The following HS3ST4 variants were observed in gnomAD, a reference collection of about 807,000 sequenced individuals.
The protein encoded by HS3ST4 is heparan sulfate-glucosamine 3-sulfotransferase 4.
HS3ST4 carries 17 observed loss-of-function variants against 29.2 expected under a neutral mutation model. That is an observed-to-expected ratio of 0.58 (90% CI 0.40 to 0.87). The LOEUF (loss-of-function observed/expected upper bound fraction) is 0.87. Among genes scored for constraint, HS3ST4 ranks in the 40% least tolerant of loss-of-function variants. The probability of loss-of-function intolerance (pLI) is 0.00; values close to 1 mark genes in which losing one functional copy is unlikely to be tolerated. For synonymous variants in HS3ST4, 314 were observed against 285.7 expected (o/e 1.10, Z -1.00); for missense variants, 627 against 634.5 (o/e 0.99, Z 0.13).
chr16:26,101,582 A>C (rs1304004453), intron 1 of HS3ST4, among the ~76,000 whole-genome samples: 1 of 152,216 alleles, frequency 6.6e-6, no homozygotes, highest in East Asian at 1.9e-4. Context: ...TATGTGTATT[A>C]ACAATCAGAA....
At chr16:25,760,261 T>C (rs148792318) in intron 1 of HS3ST4, among the ~76,000 whole-genome samples, 1 of 152,290 alleles carries the variant, frequency 6.6e-6, no homozygotes, top group Non-Finnish European at 1.5e-5. Context: ...GATCAAAGTC[T>C]CAGAGAGGTT....
At chr16:25,978,715 C>T (rs140625806) in intron 1 of HS3ST4, among the ~76,000 whole-genome samples, 30 of 152,322 alleles carry the variant, frequency 2.0e-4, no homozygotes, top group African/African-American at 7.2e-4. Flanking sequence ...GACACAGCCA[C>T]CAAGTCACAG....
At chr16:26,084,371 G>T (rs1026094780) in intron 1 of HS3ST4, among the ~76,000 whole-genome samples, 1 of 152,194 alleles carries the variant, frequency 6.6e-6, no homozygotes, top group Admixed American at 6.5e-5. Context: ...GGTCTGAAAA[G>T]AAATTTCTGA....
At chr16:25,923,164 CAA>C (rs1262541954) in intron 1 of HS3ST4, among the ~76,000 whole-genome samples, 1 of 152,178 alleles carries the variant, frequency 6.6e-6, no homozygotes, top group Non-Finnish European at 1.5e-5. Context: ...GAATTTCAAA[CAA>C]GACATTCTAG....
chr16:25,924,816 C>T (rs1037565393), intron 1 of HS3ST4, among the ~76,000 whole-genome samples: 8 of 152,130 alleles, frequency 5.3e-5, no homozygotes, highest in African/African-American at 1.7e-4. Context: ...AGCAACTAAC[C>T]TCTATGGTTT....
chr16:25,878,174 A>G (rs922016056), intron 1 of HS3ST4, among the ~76,000 whole-genome samples: 8 of 152,168 alleles, frequency 5.3e-5, no homozygotes, highest in African/African-American at 9.7e-5. Flanking sequence ...TTAATTATGG[A>G]TAACAATGGC....
Position 25,720,839 on chromosome 16 carries a change from T to C in HS3ST4, c.734+27688T>C, listed in dbSNP as rs115982646. Reference sequence around the variant, plus strand: ...TTAAGGGGAAAGATCAGGACTTTCATATTGGACATGAGATGCCCATTAGAC... The same window carrying C: ...TTAAGGGGAAAGATCAGGACTTTCACATTGGACATGAGATGCCCATTAGAC... On this transcript the variant is annotated intron_variant, in intron 1 of 1. Coordinates refer to ENST00000331351, the MANE Select transcript of HS3ST4 (RefSeq NM_006040.3). Among the ~76,000 whole-genome samples, 180 of 152,324 alleles carry C rather than the reference T, an allele frequency of 1.2e-3. 1 individual carries two copies. The highest frequency in any genetic ancestry group is 4.1e-3 in the African/African-American group (170 of 41,584).
At chr16:25,965,416 G>C (rs1295381469) in intron 1 of HS3ST4, among the ~76,000 whole-genome samples, 1 of 146,340 alleles carries the variant, frequency 6.8e-6, no homozygotes, top group Non-Finnish European at 1.5e-5. Context: ...AAAAAAAAAA[G>C]TTCCTATAAA....
intron 1 of HS3ST4, among the ~76,000 whole-genome samples, chr16:25,842,719 G>A (rs1328732435): frequency 1.3e-5 from 2 of 152,158 alleles, no homozygotes; most frequent in Admixed American, 6.5e-5. Context: ...AAGAGGCTTA[G>A]TACCCCTTTA....
At chr16:25,776,083 C>T (rs932007119) in intron 1 of HS3ST4, among the ~76,000 whole-genome samples, 3 of 152,166 alleles carry the variant, frequency 2.0e-5, no homozygotes, top group Non-Finnish European at 4.4e-5. Context: ...GTCTTGCAAC[C>T]TTAGTACTGA....
intron 1 of HS3ST4, among the ~76,000 whole-genome samples, chr16:25,890,622 A>G (rs772380776): frequency 1.3e-5 from 2 of 152,158 alleles, no homozygotes; most frequent in East Asian, 3.9e-4. Flanking sequence ...TCCATCATGG[A>G]ATCTATGATC....
intron 1 of HS3ST4, among the ~76,000 whole-genome samples, chr16:25,904,141 TG>T (rs1181584285): frequency 0.031 from 3,597 of 117,392 alleles, 120 homozygotes; most frequent in African/African-American, 0.13. Flanking sequence ...GATGGATGGA[TG>T]GATGGATGGA....
chr16:25,926,015 T>C (rs2141685059), intron 1 of HS3ST4, among the ~76,000 whole-genome samples: 1 of 151,798 alleles, frequency 6.6e-6, no homozygotes, highest in African/African-American at 2.4e-5. Flanking sequence ...ATATTAACCA[T>C]CCTGAAGGGT....
intron 1 of HS3ST4, among the ~76,000 whole-genome samples, chr16:26,050,798 A>G (rs945739836): frequency 6.6e-6 from 1 of 152,218 alleles, no homozygotes; most frequent in Non-Finnish European, 1.5e-5. Flanking sequence ...GCATGCATCC[A>G]GTGTTATTAC....
At chr16:26,120,063 GTGTGTGTA>G (rs1019195235) in intron 1 of HS3ST4, among the ~76,000 whole-genome samples, 9 of 130,418 alleles carry the variant, frequency 6.9e-5, no homozygotes, top group Non-Finnish European at 1.5e-4. Flanking sequence ...GTGTGTGTGT[GTGTGTGTA>G]TGTGTGTGTG....
chr16:26,009,952 G>GT (rs1969295535), intron 1 of HS3ST4, among the ~76,000 whole-genome samples: 1 of 152,164 alleles, frequency 6.6e-6, no homozygotes, highest in South Asian at 2.1e-4. Flanking sequence ...TGTAGCCTAA[G>GT]TTTTCCTAGC....
intron 1 of HS3ST4, among the ~76,000 whole-genome samples, chr16:26,112,031 T>A (rs1899137877): frequency 2.5e-5 from 3 of 119,614 alleles, no homozygotes; most frequent in South Asian, 5.5e-4. Flanking sequence ...AAAAAAAAAA[T>A]TCTCTTTTGA....
chr16:25,747,866 C>A (rs1027893892), intron 1 of HS3ST4, among the ~76,000 whole-genome samples: 1 of 152,266 alleles, frequency 6.6e-6, no homozygotes, highest in East Asian at 1.9e-4. Flanking sequence ...TAGCTCACCC[C>A]CTCCTGAGTT....
chr16:25,911,801 G>T (rs1453438860), intron 1 of HS3ST4, among the ~76,000 whole-genome samples: 1 of 152,062 alleles, frequency 6.6e-6, no homozygotes, highest in Non-Finnish European at 1.5e-5. Context: ...GAGCCATTGT[G>T]CCTGACTCGG....
Sources: allele counts gnomAD v4.1 joint callset (sites outside exome capture counted in the v4.1 genomes callset), GRCh38; gene constraint gnomAD v4.1.1; transcripts MANE v1.5; gene names NCBI Gene and HGNC (gene_info 2026-07-23, HGNC 2026-07-21).